Variants in ANKRD12 observed in about 807,000 individuals in gnomAD.
ANKRD12 encodes ankyrin repeat domain 12.
In ANKRD12, 85 loss-of-function variants were observed where a neutral mutation model predicts 183.4. The observed-to-expected ratio is 0.46, with a 90% CI of 0.39 to 0.56. ANKRD12 has a LOEUF of 0.56. Ranked by LOEUF, ANKRD12 falls within the 20% of genes least tolerant of loss-of-function variation. ANKRD12 has a pLI of 0.00. For missense variants in ANKRD12, 2,405 were observed against 2,357.1 expected (o/e 1.02, Z -0.42); for synonymous variants, 914 against 800.2 (o/e 1.14, Z -2.40).
chr18:9,226,194 TG>T (rs2036700698), intron 8 of ANKRD12, among the ~76,000 whole-genome samples: 1 of 151,908 alleles, frequency 6.6e-6, no homozygotes, highest in South Asian at 2.1e-4. Flanking sequence ...GAGGCTGAGG[TG>T]GGTGGATCAC....
At chr18:9,148,108 G>T (rs1371479948) in intron 1 of ANKRD12, among the ~76,000 whole-genome samples, 1 of 152,100 alleles carries the variant, frequency 6.6e-6, no homozygotes, top group South Asian at 2.1e-4. Flanking sequence ...AGTAAAGCTG[G>T]CTAACCATTT....
chr18:9,258,414 T>C lies in ANKRD12; in HGVS notation c.5147T>C (p.Val1716Ala). The change falls in exon 9 of 13, where the codon GTA (valine) becomes GCA (alanine). Residue 1716 changes from valine to alanine, a missense_variant. Physicochemically the swap from Val to Ala is moderately conservative, Grantham distance 64. Around this residue, in one of 7 missense-constraint regions of ANKRD12, gnomAD observed 1,983 missense variants for 1,725.9 expected, o/e 1.15. Transcript: ENST00000262126. ...CATAAATATGGTCAGTTAGTTAAAG[T>C]AGAATTAGAAGAAAATGCCGAAGAT... ...EMHKYGQLVK[V>A]ELEENAEDDK... 6.2e-7 allele frequency: 1 copy of C among 1,613,692 alleles called. No homozygotes were observed. Among genetic ancestry groups the C allele is most frequent in the East Asian group, 2.2e-5 (1 of 44,844 alleles).
chr18:9,249,242 T>C lies in ANKRD12; in HGVS notation c.944-4969T>C, dbSNP rs1027409423. Among the ~76,000 whole-genome samples, 4 of 152,178 alleles carry C rather than the reference T, an allele frequency of 2.6e-5. No homozygotes were observed. In the South Asian group the frequency reaches 6.2e-4, roughly 24 times the overall value. On this transcript the variant is annotated intron_variant, in intron 8 of 12. Transcript: ENST00000262126. ...GACTTCCAAATTCCATAAATGGGTCTTCTTTTCCCTCAGTAACCACACTCT... is the reference window on the plus strand; with the variant it reads ...GACTTCCAAATTCCATAAATGGGTCCTCTTTTCCCTCAGTAACCACACTCT...
At chr18:9,259,465 CTCTA>C (rs1364631844) in intron 9 of ANKRD12, 20 of 149,318 alleles carry the variant, frequency 1.3e-4, no homozygotes, top group African/African-American at 4.0e-4. Context: ...CATATGCAGA[CTCTA>C]TATAAACACA....
At chr18:9,157,550 G>GGTGTGTATGTGTGTGTGTGTAT (rs1555707774) in intron 1 of ANKRD12, among the ~76,000 whole-genome samples, 2 of 114,598 alleles carry the variant, frequency 1.7e-5, no homozygotes, top group African/African-American at 8.0e-5. Context: ...GGTGTGTGTG[G>GGTGTGTATGTGTGTGTGTGTAT]GTGTGTGTGT....
chr18:9,169,473 T>C (rs1318592664), intron 1 of ANKRD12, among the ~76,000 whole-genome samples: 1 of 152,198 alleles, frequency 6.6e-6, no homozygotes, highest in Non-Finnish European at 1.5e-5. Context: ...GTAATGGCCT[T>C]CTTTGTCTCT....
chr18:9,159,599 A>ATTT (rs71168039), intron 1 of ANKRD12, among the ~76,000 whole-genome samples: 2 of 142,958 alleles, frequency 1.4e-5, no homozygotes, highest in Admixed American at 7.0e-5. Context: ...GCCTGGCTAA[A>ATTT]TTTTTTTTTT....
At chr18:9,203,249 G>A (rs1157010897) in intron 3 of ANKRD12, among the ~76,000 whole-genome samples, 1 of 152,118 alleles carries the variant, frequency 6.6e-6, no homozygotes, top group Non-Finnish European at 1.5e-5. Flanking sequence ...TCCTCTTTCA[G>A]TTGAGTGAAC....
chr18:9,232,312 G>A (rs2037098995), intron 8 of ANKRD12, among the ~76,000 whole-genome samples: 1 of 152,208 alleles, frequency 6.6e-6, no homozygotes, highest in Non-Finnish European at 1.5e-5. Context: ...GGCAGGTCTA[G>A]TGGTGATGAA....
intron 1 of ANKRD12, among the ~76,000 whole-genome samples, chr18:9,168,504 T>A (rs1359476721): frequency 3.3e-5 from 5 of 152,154 alleles, no homozygotes; most frequent in Non-Finnish European, 7.4e-5. Flanking sequence ...AGTTTATTTG[T>A]ATAGTGGTGT....
At chr18:9,279,476 TAA>T (rs1568011751) in intron 11 of ANKRD12, 71 bp from the exon 12 acceptor site, 1 of 903,048 alleles carries the variant, frequency 1.1e-6, no homozygotes, top group African/African-American at 1.7e-5. Flanking sequence ...GCATATACCA[TAA>T]AAATACTATA....
intron 1 of ANKRD12, among the ~76,000 whole-genome samples, chr18:9,175,663 G>A (rs550893605): frequency 6.4e-4 from 96 of 150,774 alleles, no homozygotes; most frequent in African/African-American, 2.3e-3. Context: ...GAGTAGCTGG[G>A]ATTATAGGCA....
At chr18:9,165,869 C>G (rs1286173136) in intron 1 of ANKRD12, among the ~76,000 whole-genome samples, 1 of 130,322 alleles carries the variant, frequency 7.7e-6, no homozygotes, top group African/African-American at 2.9e-5. Flanking sequence ...TCCCTCCCCC[C>G]CTCCCCCCAC....
At chr18:9,179,993 T>TA (rs1280210122) in intron 1 of ANKRD12, among the ~76,000 whole-genome samples, 1 of 152,238 alleles carries the variant, frequency 6.6e-6, no homozygotes, top group African/African-American at 2.4e-5. Context: ...ACCAACTGAT[T>TA]AACGGCGTTT....
intron 5 of ANKRD12, among the ~76,000 whole-genome samples, chr18:9,209,824 T>G (rs572431745): frequency 2.5e-4 from 38 of 152,302 alleles, no homozygotes; most frequent in Non-Finnish European, 4.9e-4. Flanking sequence ...AAACTGATTT[T>G]TTAAAATAGC....
chr18:9,144,650 A>G (rs1030316665), intron 1 of ANKRD12, among the ~76,000 whole-genome samples: 34 of 152,218 alleles, frequency 2.2e-4, no homozygotes, highest in African/African-American at 7.7e-4. Flanking sequence ...TTCTCCACAT[A>G]TACTTGCAAA....
chr18:9,241,109 C>G (rs937462171), intron 8 of ANKRD12, among the ~76,000 whole-genome samples: 11 of 151,984 alleles, frequency 7.2e-5, no homozygotes, highest in Non-Finnish European at 1.3e-4. Context: ...TAACAGTTCA[C>G]CATAAGTAGG....
At position 9,256,895 on chromosome 18, in the gene ANKRD12, G is replaced by C. The variant is rs777990315; in HGVS notation, c.3628G>C (p.Ala1210Pro). ...SSRSVSMISV[A>P]SSEDSCHTTV... ...CAGATCTGTATCCATGATTTCTGTT[G>C]CTAGTTCAGAAGATTCCTGCCATAC... The change falls in exon 9 of 13, where the codon GCT becomes CCT. Residue 1210 changes from alanine to proline, a missense_variant. Transcript: ENST00000262126. The C allele has an allele frequency of 3.7e-6, 6 of 1,613,980 alleles. No individual in the cohort carries two copies. Among genetic ancestry groups the C allele is most frequent in the Non-Finnish European group, 5.1e-6 (6 of 1,179,968 alleles).
chr18:9,228,238 T>A (rs1430203470), intron 8 of ANKRD12, among the ~76,000 whole-genome samples: 1 of 152,200 alleles, frequency 6.6e-6, no homozygotes, highest in African/African-American at 2.4e-5. Flanking sequence ...TGATGGGCAT[T>A]TAGGTTGATT....
Sources: allele counts gnomAD v4.1 joint callset (sites outside exome capture counted in the v4.1 genomes callset), GRCh38; gene constraint gnomAD v4.1.1; regional missense constraint gnomAD v4.1.1; transcripts MANE v1.5; gene names NCBI Gene and HGNC (gene_info 2026-07-23, HGNC 2026-07-21).